The following KCNH7 variants were observed in gnomAD, a reference collection of about 807,000 sequenced individuals.
KCNH7 encodes potassium voltage-gated channel subfamily H member 7, also known as voltage-gated inwardly rectifying potassium channel KCNH7.
KCNH7 carries 49 observed loss-of-function variants against 120.8 expected under a neutral mutation model. That is an observed-to-expected ratio of 0.41 (90% CI 0.32 to 0.51). The LOEUF (loss-of-function observed/expected upper bound fraction) is 0.51, where lower values mean the gene tolerates loss of function less well. Ranked by LOEUF, KCNH7 falls within the 20% of genes least tolerant of loss-of-function variation. The pLI, the probability that KCNH7 is intolerant of heterozygous loss-of-function variation, is 0.38. For missense variants in KCNH7, 1,097 were observed against 1,446.6 expected (o/e 0.76, Z 3.92); for synonymous variants, 547 against 516.1 (o/e 1.06, Z -0.81).
At chr2:162,695,793 T>A (rs111557972) in intron 2 of KCNH7, among the ~76,000 whole-genome samples, 1,614 of 149,268 alleles carry the variant, frequency 0.011, 23 homozygotes, top group African/African-American at 0.037. Flanking sequence ...TGAAGGAGAG[T>A]CAAATCCAAC....
At chr2:162,785,195 A>C (rs1373779656) in intron 2 of KCNH7, 2 of 152,240 alleles carry the variant, frequency 1.3e-5, no homozygotes, top group Non-Finnish European at 2.9e-5. Context: ...TTAAGAATCA[A>C]CTTAAAATGT....
chr2:162,717,124 C>A (rs939398522), intron 2 of KCNH7, among the ~76,000 whole-genome samples: 2 of 152,022 alleles, frequency 1.3e-5, no homozygotes, highest in African/African-American at 2.4e-5. Context: ...AAGGTTAAAT[C>A]TTTATAAGGT....
chr2:162,485,259 A>C (rs1690056364), intron 6 of KCNH7, among the ~76,000 whole-genome samples: 1 of 152,210 alleles, frequency 6.6e-6, no homozygotes, highest in African/African-American at 2.4e-5. Context: ...CATGAGAAAC[A>C]TATTCAAAAT....
intron 8 of KCNH7, among the ~76,000 whole-genome samples, chr2:162,426,347 A>C (rs575773246): frequency 6.6e-6 from 1 of 152,246 alleles, no homozygotes; most frequent in South Asian, 2.1e-4. Flanking sequence ...TAGAGGTTGT[A>C]AGCTAGAGAG....
chr2:162,784,248 C>T (rs1683618208), intron 2 of KCNH7, among the ~76,000 whole-genome samples: 1 of 152,050 alleles, frequency 6.6e-6, no homozygotes, highest in African/African-American at 2.4e-5. Context: ...TCAACATTCC[C>T]TATCACATTG....
intron 6 of KCNH7, among the ~76,000 whole-genome samples, chr2:162,453,476 C>T (rs879097012): frequency 1.3e-5 from 2 of 152,120 alleles, no homozygotes; most frequent in Admixed American, 1.3e-4. Context: ...TGGGGATATA[C>T]CCAGTAATGG....
At position 162,518,147 on chromosome 2, in the gene KCNH7, CA is replaced by C; in HGVS notation, c.474del (p.Phe158LeufsTer8). ...ACTCTCAGACCAGGGAATTTGAACCCAAAAAATTTCCCTATAAATGGAGACA... is the reference window on the plus strand; with the variant it reads ...ACTCTCAGACCAGGGAATTTGAACCCAAAAATTTCCCTATAAATGGAGACA... ...LPIKTVNRKF[F>X]GFKFPGLRVL... On this transcript the variant is annotated frameshift_variant, in exon 4 of 16. Transcript: ENST00000332142. LOFTEE classifies it high-confidence loss of function. 1 of 1,605,928 alleles carries C rather than the reference CA, an allele frequency of 6.2e-7. No individual in the cohort carries two copies. Among genetic ancestry groups the C allele is most frequent in the Non-Finnish European group, 8.5e-7 (1 of 1,175,596 alleles).
intron 9 of KCNH7, among the ~76,000 whole-genome samples, chr2:162,409,474 G>A (rs1428998169): frequency 6.6e-6 from 1 of 151,710 alleles, no homozygotes. Flanking sequence ...AACACTTGAA[G>A]AGCATATAAC....
intron 10 of KCNH7, among the ~76,000 whole-genome samples, chr2:162,398,109 C>T (rs1169378002): frequency 1.3e-5 from 2 of 151,800 alleles, no homozygotes; most frequent in African/African-American, 2.4e-5. Context: ...TGATATATTA[C>T]TTGATTATGT....
intron 2 of KCNH7, among the ~76,000 whole-genome samples, chr2:162,760,991 T>C (rs1688949595): frequency 6.6e-6 from 1 of 152,108 alleles, no homozygotes; most frequent in Non-Finnish European, 1.5e-5. Context: ...CTGTGATTTC[T>C]AAGTTTATGA....
intron 4 of KCNH7, 40 bp from the exon 5 acceptor site, chr2:162,512,714 A>C (rs1574048341): frequency 6.6e-7 from 1 of 1,508,232 alleles, no homozygotes; most frequent in East Asian, 2.3e-5. Flanking sequence ...AGAAATATAA[A>C]AAGAAGACTA....
chr2:162,736,187 C>T (rs1293364080), intron 2 of KCNH7, among the ~76,000 whole-genome samples: 1 of 152,172 alleles, frequency 6.6e-6, no homozygotes, highest in African/African-American at 2.4e-5. Flanking sequence ...GAAGGATTGG[C>T]ACACTGACTA....
At chr2:162,786,315 G>C (rs572468227) in intron 2 of KCNH7, among the ~76,000 whole-genome samples, 10 of 149,080 alleles carry the variant, frequency 6.7e-5, no homozygotes, top group African/African-American at 2.5e-4. Flanking sequence ...GCCAGCTACT[G>C]TTTCATGAGC....
intron 6 of KCNH7, among the ~76,000 whole-genome samples, chr2:162,479,167 A>G (rs1468125460): frequency 1.3e-5 from 2 of 150,920 alleles, no homozygotes; most frequent in Non-Finnish European, 3.0e-5. Context: ...AAAGAATGTG[A>G]AAGTCTTTTT....
intron 3 of KCNH7, among the ~76,000 whole-genome samples, chr2:162,534,751 T>C (rs1197353779): frequency 6.6e-6 from 1 of 151,664 alleles, no homozygotes; most frequent in East Asian, 1.9e-4. Flanking sequence ...CTCAATTATT[T>C]TTTGAAGGAA....
chr2:162,395,297 G>A lies in KCNH7; in HGVS notation c.2614-812C>T, dbSNP rs77875848. ...AGAACTTTGCATAACTAATAGTACTGCAAAGAAAAATGTGTAAAATAGTTA... is the reference window on the plus strand; with the variant it reads ...AGAACTTTGCATAACTAATAGTACTACAAAGAAAAATGTGTAAAATAGTTA... On this transcript the variant is annotated intron_variant, in intron 11 of 15. Transcript: ENST00000332142. Among the ~76,000 whole-genome samples the A allele has an allele frequency of 3.8e-3, 576 of 151,810 alleles. 20 individuals carry two copies. The East Asian group carries it at 0.1, about 26-fold the overall frequency.
intron 2 of KCNH7, among the ~76,000 whole-genome samples, chr2:162,809,659 A>G (rs1573915422): frequency 6.6e-6 from 1 of 152,136 alleles, no homozygotes; most frequent in African/African-American, 2.4e-5. Flanking sequence ...TTTAAAAAAT[A>G]TTTTTCTTTT....
At chr2:162,636,181 G>A (rs1683956007) in intron 2 of KCNH7, among the ~76,000 whole-genome samples, 1 of 152,004 alleles carries the variant, frequency 6.6e-6, no homozygotes, top group African/African-American at 2.4e-5. Flanking sequence ...ATTATTTCAT[G>A]AAGACAGCCT....
intron 2 of KCNH7, among the ~76,000 whole-genome samples, chr2:162,759,897 C>A (rs1392124865): frequency 1.3e-5 from 2 of 151,928 alleles, no homozygotes; most frequent in African/African-American, 4.8e-5. Context: ...CAAAAATTGC[C>A]AAAAATTGCC....
Sources: gnomAD v4.1 joint callset for allele counts (sites outside exome capture counted in the v4.1 genomes callset) on GRCh38, gnomAD v4.1.1 for gene constraint, MANE v1.5 for transcripts, NCBI Gene and HGNC (gene_info 2026-07-23, HGNC 2026-07-21) for gene names.